The following TCF3 variants were observed in gnomAD, a reference collection of about 807,000 sequenced individuals.
The protein encoded by TCF3 is transcription factor E2-alpha.
A neutral mutation model predicts 72.3 loss-of-function variants in TCF3; 54 were observed. The observed-to-expected ratio is 0.75, with a 90% CI of 0.60 to 0.94. The LOEUF is 0.94. TCF3 is among the 40% of genes least tolerant of loss of function. TCF3 has a pLI of 0.00. For missense variants in TCF3, 1,078 were observed against 934.4 expected (o/e 1.15, Z -2.00); for synonymous variants, 525 against 412.6 (o/e 1.27, Z -3.30).
At position 1,615,699 on chromosome 19, in the gene TCF3, G is replaced by A. The variant is rs145878545; in HGVS notation, c.1573C>T (p.Arg525Trp). The change falls in exon 17 of 19, where the codon CGG (arginine) becomes TGG (tryptophan). Residue 525 changes from arginine to tryptophan, a missense_variant. Coordinates refer to ENST00000262965, the MANE Select transcript of TCF3 (RefSeq NM_003200.5). The surrounding 1 kb of genome is among the most constrained non-coding windows in gnomAD (Gnocchi z 7.3). ...EEEKKELKAP[R>W]ARTSPDEDED... is the part of the protein sequence containing the mutation. ...GTGGGTTGGCACCTGGTCCGGGCCC[G>A]GGGGGCCTTCAGCTCCTTCTTCTCC... is the stretch of plus-strand genomic sequence containing the variant. 4.3e-4 allele frequency: 688 copies of A among 1,612,908 alleles called. 1 individual carries two copies. The highest frequency in any genetic ancestry group is 7.7e-4 in the Admixed American group (46 of 59,946).
At chr19:1,612,145 C>A in intron 18 of TCF3, 1 of 1,475,310 alleles carries the variant, frequency 6.8e-7, no homozygotes. Context: ...AGGACCCCAG[C>A]ATCTGCACCT....
chr19:1,612,363 C>T lies in TCF3; in HGVS notation c.1823-514G>A, dbSNP rs759178145. ...TCCCGCACGCGCACCCGCTCCCGCG[C>T]GTTATTGGCCATGCGCCTCTCCCGG... On this transcript the variant is annotated intron_variant, in intron 18 of 18. Coordinates refer to ENST00000262965, the MANE Select transcript of TCF3 (RefSeq NM_003200.5). 20 of 1,613,826 alleles carry T rather than the reference C, an allele frequency of 1.2e-5. No individual in the cohort carries two copies. The highest frequency in any genetic ancestry group is 2.2e-5 in the East Asian group (1 of 44,898).
At position 1,614,888 on chromosome 19, in the gene TCF3, C is replaced by T. The variant is rs971911106; in HGVS notation, c.1822+397G>A. Among the ~76,000 whole-genome samples, 2 of 152,112 alleles carry T rather than the reference C, an allele frequency of 1.3e-5. No individual in the cohort carries two copies. Among genetic ancestry groups the T allele is most frequent in the African/African-American group, 2.4e-5 (1 of 41,412 alleles). ...CGGGAAGGGGCCAGGGTGGTTTGCA[C>T]ACCAGCTCCTGTCTCTGGGATCGGG... On this transcript the variant is annotated intron_variant, in intron 18 of 18. Transcript: ENST00000262965. The surrounding 1 kb of genome is among the most constrained non-coding windows in gnomAD (Gnocchi z 5.6).
chr19:1,622,571 T>C (rs1448437520), intron 8 of TCF3, among the ~76,000 whole-genome samples, 156 bp from the exon 9 acceptor site: 1 of 152,016 alleles, frequency 6.6e-6, no homozygotes, highest in Non-Finnish European at 1.5e-5. Flanking sequence ...TCCCAGCCCC[T>C]GGCCAAGTTT....
rs1239595896 is a variant in TCF3 at position 1,632,385 on chromosome 19, A to G, written c.166T>C (p.Ser56Pro). The G allele has an allele frequency of 6.3e-7, 1 of 1,596,468 alleles. No individual in the cohort carries two copies. The highest frequency in any genetic ancestry group is 1.1e-5 in the South Asian group (1 of 87,552). The change falls in exon 4 of 19, where the codon TCA becomes CCA. Residue 56 changes from serine (S) to proline (P), a missense_variant. Transcript: ENST00000262965. ...GGSGLEDRPSSGSWGSGDQSS... is the reference protein window; with the variant it reads ...GGSGLEDRPSPGSWGSGDQSS... The stretch of plus-strand genomic sequence containing the variant: ...TGGTCGCCGCTGCCCCAGGAGCCTG[A>G]GCTGGGCCGGTCCTCAAGACCTGCA...
chr19:1,648,861 C>T (rs913594101), intron 2 of TCF3, among the ~76,000 whole-genome samples: 1 of 151,548 alleles, frequency 6.6e-6, no homozygotes, highest in African/African-American at 2.4e-5. Flanking sequence ...TGTAGACAGG[C>T]CAGAAGAAAC....
At chr19:1,649,871 C>A (rs1399513737) in intron 2 of TCF3, among the ~76,000 whole-genome samples, 2 of 152,230 alleles carry the variant, frequency 1.3e-5, no homozygotes, top group African/African-American at 4.8e-5. Context: ...AGATCAAGGC[C>A]GCATTTTGCT....
intron 5 of TCF3, 197 bp downstream of exon 5, chr19:1,631,841 T>C (rs1830980791): frequency 2.1e-6 from 3 of 1,399,968 alleles, no homozygotes; most frequent in Non-Finnish European, 2.9e-6. Context: ...AGTTGCAGAG[T>C]GCCGTGCCAG....
At chr19:1,648,678 G>C (rs893205321) in intron 2 of TCF3, among the ~76,000 whole-genome samples, 1 of 152,198 alleles carries the variant, frequency 6.6e-6, no homozygotes, top group Non-Finnish European at 1.5e-5. Flanking sequence ...TTTCCGCAGG[G>C]TGGCCGGTGT....
intron 3 of TCF3, among the ~76,000 whole-genome samples, chr19:1,634,703 G>A (rs941467972): frequency 3.3e-5 from 5 of 152,190 alleles, no homozygotes; most frequent in African/African-American, 1.2e-4. Context: ...GGAGAGGGAG[G>A]CTTCAAAAGG....
chr19:1,613,193 G>A (rs2061216085), intron 18 of TCF3, among the ~76,000 whole-genome samples: 1 of 152,190 alleles, frequency 6.6e-6, no homozygotes, highest in South Asian at 2.1e-4. Flanking sequence ...GTGCTTCTCT[G>A]TGCACGCGGC....
intron 3 of TCF3, among the ~76,000 whole-genome samples, chr19:1,642,155 C>CGCGT (rs2065350238): frequency 6.9e-6 from 1 of 145,458 alleles, no homozygotes; most frequent in Non-Finnish European, 1.5e-5. Context: ...CACACACACA[C>CGCGT]ACACACACAC....
chr19:1,637,490 G>A (rs761460973), intron 3 of TCF3, among the ~76,000 whole-genome samples: 3 of 152,164 alleles, frequency 2.0e-5, no homozygotes, highest in Non-Finnish European at 4.4e-5. Flanking sequence ...ACAGGGCCCC[G>A]CTTTGAATTT....
At position 1,609,533 on chromosome 19, in the gene TCF3, G is replaced by GA. The variant is rs2060843977; in HGVS notation, c.*2173dup. ...CTGTTTCTTCCTCCTCGCGCTGGGT[G>GA]AATCTCGTTTGAATTCTATGCAGAA... is the stretch of plus-strand genomic sequence containing the variant. On this transcript the variant is annotated 3_prime_UTR_variant, in exon 19 of 19. Transcript: ENST00000262965. 4.5e-6 allele frequency: 1 copy of GA among 222,024 alleles called. No homozygotes were observed. Among genetic ancestry groups the GA allele is most frequent in the East Asian group, 6.6e-5 (1 of 15,266 alleles). The allele number at this position is 222,024 out of a possible 1,614,324, so 13.8% of individuals were successfully genotyped here.
intron 5 of TCF3, among the ~76,000 whole-genome samples, chr19:1,631,299 C>T (rs543758711): frequency 1.0e-4 from 15 of 149,102 alleles, no homozygotes; most frequent in African/African-American, 3.2e-4. Flanking sequence ...GATGGAATCT[C>T]GCTCCATCAC....
intron 13 of TCF3, among the ~76,000 whole-genome samples, chr19:1,620,706 C>A (rs555644075): frequency 1.3e-5 from 2 of 152,324 alleles, no homozygotes; most frequent in African/African-American, 2.4e-5. Context: ...GGCTTGGAGG[C>A]TGCCTCCACT....
chr19:1,632,509 T>C (rs968017384), intron 3 of TCF3, 104 bp from the exon 4 acceptor site: 1 of 1,247,786 alleles, frequency 8.0e-7, no homozygotes, highest in Admixed American at 2.1e-5. Context: ...CCCGGGGGGC[T>C]TGTGGAACCC....
At chr19:1,621,269 C>A in intron 11 of TCF3, 78 bp from the exon 12 acceptor site, 1 of 1,467,170 alleles carries the variant, frequency 6.8e-7, no homozygotes, top group Middle Eastern at 2.4e-4. Context: ...TGCGTTCTGC[C>A]GTCCTGCACA....
intron 2 of TCF3, among the ~76,000 whole-genome samples, chr19:1,647,598 G>A (rs959962560): frequency 5.3e-5 from 8 of 152,102 alleles, no homozygotes; most frequent in Non-Finnish European, 1.2e-4. Flanking sequence ...GTTCGCCCTG[G>A]ACCACACCCC....
Sources: allele counts gnomAD v4.1 joint callset (sites outside exome capture counted in the v4.1 genomes callset), GRCh38; gene constraint gnomAD v4.1.1; non-coding constraint Gnocchi (gnomAD v3.1); transcripts MANE v1.5; gene names NCBI Gene and HGNC (gene_info 2026-07-23, HGNC 2026-07-21).